ERBIN: variants seen among roughly 807,000 people sequenced by gnomAD.
ERBIN encodes densin-180-like protein.
In ERBIN, 60 loss-of-function variants were observed where a neutral mutation model predicts 158.4. That is an observed-to-expected ratio of 0.38 (90% CI 0.31 to 0.47). ERBIN has a LOEUF of 0.47. ERBIN is among the 20% of genes least tolerant of loss of function. The pLI is 0.99. For synonymous variants in ERBIN, 594 were observed against 557.2 expected (o/e 1.07, Z -0.93); for missense variants, 1,610 against 1,648.0 (o/e 0.98, Z 0.40).
At chr5:66,065,316 T>A (rs1249317420) in intron 21 of ERBIN, among the ~76,000 whole-genome samples, 1 of 151,942 alleles carries the variant, frequency 6.6e-6, no homozygotes, top group Non-Finnish European at 1.5e-5. Flanking sequence ...TAGACATACT[T>A]ATTATTTCAA....
At chr5:65,931,759 A>G (rs1266215104) in intron 1 of ERBIN, among the ~76,000 whole-genome samples, 1 of 151,916 alleles carries the variant, frequency 6.6e-6, no homozygotes, top group Non-Finnish European at 1.5e-5. Flanking sequence ...ATATGAAGAA[A>G]ATCCAGCCTT....
At position 66,050,839 on chromosome 5, in the gene ERBIN, A is replaced by C. The variant is rs1406183425; in HGVS notation, c.1960A>C (p.Asn654His). ...TGAAGTTACACACAATAGCAATCAGAATAACAGCAATTGTTCTTCTCCATC... is the reference window on the plus strand; with the variant it reads ...TGAAGTTACACACAATAGCAATCAGCATAACAGCAATTGTTCTTCTCCATC... ...SDEVTHNSNQ[N>H]NSNCSSPSRM... The change falls in exon 20 of 26, where the codon AAT (asparagine) becomes CAT (histidine). Residue 654 changes from asparagine (N) to histidine (H), a missense_variant. Asn to His is a moderately conservative substitution (Grantham distance 68, BLOSUM62 1). This residue lies in a region of ERBIN where 1,014 missense variants were observed against 936.1 expected (regional missense o/e 1.08). Transcript: ENST00000284037. 1.2e-6 allele frequency: 2 copies of C among 1,601,890 alleles called. No homozygotes were observed. The highest frequency in any genetic ancestry group is 1.4e-5 in the African/African-American group (1 of 73,862).
At chr5:66,064,631 G>C (rs984304286) in intron 21 of ERBIN, among the ~76,000 whole-genome samples, 1 of 152,118 alleles carries the variant, frequency 6.6e-6, no homozygotes, top group Non-Finnish European at 1.5e-5. Context: ...AGTATTTTAG[G>C]ATATCTTAGG....
intron 7 of ERBIN, among the ~76,000 whole-genome samples, chr5:66,016,859 C>T (rs1234822232): frequency 6.6e-6 from 1 of 152,112 alleles, no homozygotes; most frequent in Non-Finnish European, 1.5e-5. Flanking sequence ...AAATGACCCG[C>T]CCTCCTCGGC....
intron 23 of ERBIN, 100 bp downstream of exon 23, chr5:66,075,330 GTTA>G: frequency 1.1e-6 from 1 of 952,176 alleles, no homozygotes; most frequent in Non-Finnish European, 1.6e-6. Context: ...TATTAACGTA[GTTA>G]TTACCATTTA....
At chr5:65,965,379 G>GTTTTTTTTTTTTTTTTT (rs1561304820) in intron 1 of ERBIN, among the ~76,000 whole-genome samples, 6 of 103,662 alleles carry the variant, frequency 5.8e-5, no homozygotes, top group Admixed American at 3.6e-4. Context: ...TTTGTTTTTT[G>GTTTTTTTTTTTTTTTTT]TTGTTTTTTT....
intron 1 of ERBIN, among the ~76,000 whole-genome samples, chr5:65,934,605 G>A (rs972053570): frequency 6.6e-6 from 1 of 152,008 alleles, no homozygotes; most frequent in African/African-American, 2.4e-5. Context: ...TTCTTATTAC[G>A]TCTTATCAGG....
intron 21 of ERBIN, chr5:66,069,114 C>T (rs751080592): frequency 5.0e-6 from 6 of 1,204,788 alleles, no homozygotes; most frequent in Non-Finnish European, 4.4e-6. Context: ...AAAATGTTTA[C>T]TCTGGGTTAG....
intron 21 of ERBIN, among the ~76,000 whole-genome samples, chr5:66,070,335 G>A (rs984112940): frequency 2.6e-5 from 4 of 152,084 alleles, no homozygotes; most frequent in Non-Finnish European, 5.9e-5. Context: ...GAGCCACCGC[G>A]CCCAGCTAGG....
At chr5:65,955,503 G>A (rs1443974646) in intron 1 of ERBIN, among the ~76,000 whole-genome samples, 1 of 152,122 alleles carries the variant, frequency 6.6e-6, no homozygotes, top group East Asian at 1.9e-4. Flanking sequence ...GGTGGCGGGT[G>A]CCTATAATCC....
chr5:65,999,128 G>A (rs1752759820), intron 4 of ERBIN, among the ~76,000 whole-genome samples: 1 of 152,140 alleles, frequency 6.6e-6, no homozygotes. Context: ...CAGCATTGTG[G>A]GAGGCCAAGG....
intron 1 of ERBIN, among the ~76,000 whole-genome samples, chr5:65,927,942 A>G (rs1742868189): frequency 6.6e-6 from 1 of 152,122 alleles, no homozygotes; most frequent in Non-Finnish European, 1.5e-5. Flanking sequence ...GAGGTGAAAT[A>G]CAATACTGTA....
rs1561380531 is a variant in ERBIN, at chr5:66,018,495, TATAATATATATTA to T, written c.534-2826_534-2814del. ...ATATTATATATTATATATTATATTA[TATAATATATATTA>T]TATATTATATAATATATATTATATT... On this transcript the variant is annotated intron_variant, in intron 7 of 25. Coordinates refer to ENST00000284037, the MANE Select transcript of ERBIN (RefSeq NM_001253697.2). Among the ~76,000 whole-genome samples the T allele has an allele frequency of 1.2e-3, 22 of 17,746 alleles. 8 individuals carry two copies. Among genetic ancestry groups the T allele is most frequent in the East Asian group, 0.011 (12 of 1,120 alleles). The allele number at this position is 17,746 out of a possible 152,430, so 11.6% of individuals were successfully genotyped here. A position where few individuals can be genotyped will look rare whatever the true frequency, so the allele number is the denominator to read the frequency against.
At chr5:66,073,122 A>C (rs535103034) in intron 22 of ERBIN, among the ~76,000 whole-genome samples, 1 of 152,132 alleles carries the variant, frequency 6.6e-6, no homozygotes, top group South Asian at 2.1e-4. Flanking sequence ...GCCATCTGCT[A>C]ATTGTAGCTT....
At chr5:66,037,491 A>G (rs990195845) in intron 14 of ERBIN, among the ~76,000 whole-genome samples, 6 of 152,160 alleles carry the variant, frequency 3.9e-5, no homozygotes, top group Non-Finnish European at 5.9e-5. Context: ...TACCGTTTCC[A>G]TTATCTGAGA....
intron 1 of ERBIN, among the ~76,000 whole-genome samples, chr5:65,940,409 G>A (rs1744739019): frequency 6.9e-6 from 1 of 145,512 alleles, no homozygotes. Flanking sequence ...TCGTCCGGGA[G>A]GGAGGTGGGG....
At chr5:66,057,274 T>C (rs1364934660) in intron 21 of ERBIN, among the ~76,000 whole-genome samples, 1 of 152,150 alleles carries the variant, frequency 6.6e-6, no homozygotes, top group African/African-American at 2.4e-5. Context: ...ACTACTAGGA[T>C]TGTTTAAAAA....
chr5:66,067,852 T>C (rs1398626145), intron 21 of ERBIN, among the ~76,000 whole-genome samples: 1 of 152,144 alleles, frequency 6.6e-6, no homozygotes, highest in Admixed American at 6.5e-5. Context: ...GGTGCACACC[T>C]GTGGTCCCAG....
At chr5:66,039,178 G>C (rs1432063343) in intron 15 of ERBIN, among the ~76,000 whole-genome samples, 1 of 151,860 alleles carries the variant, frequency 6.6e-6, no homozygotes, top group African/African-American at 2.4e-5. Flanking sequence ...ATGTAAATCA[G>C]TCATTTCAAT....
Sources: gnomAD v4.1 joint callset for allele counts (sites outside exome capture counted in the v4.1 genomes callset) on GRCh38, gnomAD v4.1.1 for gene constraint, gnomAD v4.1.1 regional missense constraint, MANE v1.5 for transcripts, NCBI Gene and HGNC (gene_info 2026-07-23, HGNC 2026-07-21) for gene names.